TULP2: variants seen among roughly 807,000 people sequenced by gnomAD.
TULP2 encodes the protein tubby-related protein 2.
Under a neutral mutation model 60.3 loss-of-function variants are expected in TULP2, and 64 were observed. The observed-to-expected ratio is 1.06, with a 90% CI of 0.87 to 1.31. TULP2 has a LOEUF of 1.31. TULP2 is among the 50% of genes most tolerant of loss of function. The pLI is 0.00. For synonymous variants in TULP2, 267 were observed against 265.4 expected (o/e 1.01, Z -0.06); for missense variants, 652 against 667.0 (o/e 0.98, Z 0.25).
At chr19:48,887,518 T>C (rs2037192351) in intron 8 of TULP2, among the ~76,000 whole-genome samples, 1 of 151,444 alleles carries the variant, frequency 6.6e-6, no homozygotes, top group Non-Finnish European at 1.5e-5. Context: ...AAGACGGGGT[T>C]TTGCCATGTT....
intron 7 of TULP2, among the ~76,000 whole-genome samples, chr19:48,889,306 T>C (rs1236483505): frequency 6.6e-6 from 1 of 152,030 alleles, no homozygotes; most frequent in African/African-American, 2.4e-5. Flanking sequence ...CCATGTCAAG[T>C]CAAATCCTCT....
intron 9 of TULP2, among the ~76,000 whole-genome samples, chr19:48,884,599 C>T (rs1466289793): frequency 2.0e-5 from 3 of 151,790 alleles, no homozygotes; most frequent in Non-Finnish European, 2.9e-5. Context: ...GGAGAAACCC[C>T]GTCTCTACTA....
chr19:48,891,560 G>C (rs2037233433), intron 6 of TULP2, among the ~76,000 whole-genome samples: 1 of 152,138 alleles, frequency 6.6e-6, no homozygotes, highest in African/African-American at 2.4e-5. Context: ...AACCCAGCCA[G>C]GCAGAGGTTG....
rs936141539 is a variant in TULP2, at chr19:48,884,030, T to G, written c.1078A>C (p.Thr360Pro). 6.2e-7 allele frequency: 1 copy of G among 1,614,044 alleles called. No homozygotes were observed. Among genetic ancestry groups the G allele is most frequent in the Non-Finnish European group, 8.5e-7 (1 of 1,179,968 alleles). Reference protein sequence around the residue: ...VGKVRSNVFSTKFTIFDNGVN... With the variant: ...VGKVRSNVFSPKFTIFDNGVN... ...CCATTGTCAAAGATGGTGAACTTGG[T>G]GCTGAAGACATTGGATCTGCTCCAG... The change falls in exon 10 of 13, where the codon ACC (threonine) becomes CCC (proline). Residue 360 changes from threonine to proline, a missense_variant. Physicochemically the swap from Thr to Pro is conservative, Grantham distance 38. Transcript: ENST00000221399.
At chr19:48,890,888 T>C (rs2037226443) in intron 6 of TULP2, among the ~76,000 whole-genome samples, 1 of 151,990 alleles carries the variant, frequency 6.6e-6, no homozygotes, top group Non-Finnish European at 1.5e-5. Context: ...GGGATGGAGT[T>C]TGGGGTGATA....
At chr19:48,882,482 G>A (rs2037143515) in intron 11 of TULP2, among the ~76,000 whole-genome samples, 1 of 152,086 alleles carries the variant, frequency 6.6e-6, no homozygotes, top group Non-Finnish European at 1.5e-5. Context: ...CCTCAGCAAG[G>A]CCATTTTTTA....
intron 6 of TULP2, among the ~76,000 whole-genome samples, chr19:48,893,364 T>C (rs2037250859): frequency 6.9e-6 from 1 of 144,584 alleles, no homozygotes; most frequent in Non-Finnish European, 1.5e-5. Context: ...AGCAAGACTC[T>C]GCCTCAAGAA....
At position 48,880,977 on chromosome 19, in the gene TULP2, A is replaced by C; in HGVS notation, c.*34T>G. 2.6e-6 allele frequency: 4 copies of C among 1,546,210 alleles called. No homozygotes were observed. The highest frequency in any genetic ancestry group is 1.7e-5 in the Admixed American group (1 of 59,538). Reference sequence around the variant, plus strand: ...AGGAGGCACAGAAGCTGGCAAGGGTATGGTATTTTATTGAGTTATTCAACA... The same window carrying C: ...AGGAGGCACAGAAGCTGGCAAGGGTCTGGTATTTTATTGAGTTATTCAACA... On this transcript the variant is annotated 3_prime_UTR_variant, in exon 13 of 13. Coordinates refer to ENST00000221399, the MANE Select transcript of TULP2 (RefSeq NM_003323.3).
At chr19:48,886,893 T>C (rs2037184256) in intron 8 of TULP2, among the ~76,000 whole-genome samples, 1 of 151,530 alleles carries the variant, frequency 6.6e-6, no homozygotes, top group Non-Finnish European at 1.5e-5. Context: ...TTTTTTTTTT[T>C]TGTAGAGACA....
intron 6 of TULP2, among the ~76,000 whole-genome samples, chr19:48,892,498 G>A (rs965115874): frequency 6.6e-6 from 1 of 151,270 alleles, no homozygotes; most frequent in Non-Finnish European, 1.5e-5. Flanking sequence ...AAGCAGAACA[G>A]TTTTTCTTTT....
chr19:48,885,397 C>G (rs3826818), intron 9 of TULP2, 51 bp downstream of exon 9: 2 of 1,496,874 alleles, frequency 1.3e-6, no homozygotes, highest in Non-Finnish European at 1.9e-6. Context: ...GTCCCCCTGT[C>G]CCTAAGCTCC....
chr19:48,890,517 T>C (rs1430695710), intron 6 of TULP2, among the ~76,000 whole-genome samples: 1 of 152,210 alleles, frequency 6.6e-6, no homozygotes, highest in Non-Finnish European at 1.5e-5. Flanking sequence ...TCTCTATACT[T>C]TGTCTCTGTG....
Position 48,880,975 on chromosome 19 carries a change from GT to G in TULP2, c.*35del. The G allele has an allele frequency of 6.4e-7, 1 of 1,559,756 alleles. No homozygotes were observed. The highest frequency in any genetic ancestry group is 8.8e-7 in the Non-Finnish European group (1 of 1,131,346). ...TGAGGAGGCACAGAAGCTGGCAAGG[GT>G]ATGGTATTTTATTGAGTTATTCAAC... On this transcript the variant is annotated 3_prime_UTR_variant, in exon 13 of 13. Transcript: ENST00000221399.
intron 6 of TULP2, among the ~76,000 whole-genome samples, chr19:48,894,613 C>T (rs1273330433): frequency 6.6e-6 from 1 of 152,072 alleles, no homozygotes; most frequent in African/African-American, 2.4e-5. Flanking sequence ...TGCACTCCAG[C>T]CTAGGCGACA....
chr19:48,894,452 C>G (rs1357824423), intron 6 of TULP2, among the ~76,000 whole-genome samples: 2 of 152,058 alleles, frequency 1.3e-5, no homozygotes, highest in African/African-American at 4.8e-5. Context: ...ACCAGTCCGG[C>G]CAGCATGGTG....
At chr19:48,883,697 G>C in intron 11 of TULP2, 57 bp downstream of exon 11, 2 of 1,591,184 alleles carry the variant, frequency 1.3e-6, no homozygotes, top group Non-Finnish European at 1.7e-6. Context: ...GGATCTAGGA[G>C]GACCGGCCCC....
At chr19:48,887,303 GC>G (rs2037188697) in intron 8 of TULP2, among the ~76,000 whole-genome samples, 1 of 78,132 alleles carries the variant, frequency 1.3e-5, no homozygotes, top group South Asian at 4.1e-4. Context: ...GAGCCACCGC[GC>G]CCAGCCCTTT....
At position 48,888,134 on chromosome 19, in the gene TULP2, T is replaced by A; in HGVS notation, c.764A>T (p.His255Leu). 6.2e-7 allele frequency: 1 copy of A among 1,614,238 alleles called. No homozygotes were observed. The highest frequency in any genetic ancestry group is 1.1e-5 in the South Asian group (1 of 91,088). ...GGAGCGGATTGCCAAGGAGGCTTCG[T>A]GCCTCATATGGTCGCTGTCCGTGCC... ...EGGTDSDHMR[H>L]EASLAIRSPC... The change falls in exon 8 of 13, where the codon CAC (histidine) becomes CTC (leucine). Residue 255 changes from histidine to leucine, a missense_variant. Coordinates refer to ENST00000221399, the MANE Select transcript of TULP2 (RefSeq NM_003323.3).
chr19:48,896,016 G>C (rs2122143138), intron 4 of TULP2, among the ~76,000 whole-genome samples: 1 of 152,224 alleles, frequency 6.6e-6, no homozygotes, highest in Non-Finnish European at 1.5e-5. Flanking sequence ...AGAATCTCGC[G>C]CCAGGCTCTC....
Sources: gnomAD v4.1 joint callset for allele counts (sites outside exome capture counted in the v4.1 genomes callset) on GRCh38, gnomAD v4.1.1 for gene constraint, MANE v1.5 for transcripts, NCBI Gene and HGNC (gene_info 2026-07-23, HGNC 2026-07-21) for gene names.